NUP153: variants seen among roughly 807,000 people sequenced by gnomAD.
NUP153 encodes nucleoporin 153.
Under a neutral mutation model 134.6 loss-of-function variants are expected in NUP153, and 27 were observed. That is an observed-to-expected ratio of 0.20 (90% CI 0.15 to 0.28). The LOEUF (loss-of-function observed/expected upper bound fraction) is 0.28. NUP153 is among the 10% of genes least tolerant of loss of function. The pLI is 1.00. For missense variants in NUP153, 1,821 were observed against 1,731.3 expected, an observed-to-expected ratio of 1.05 and a Z score of -0.92; for synonymous variants, 640 against 623.5, an observed-to-expected ratio of 1.03 and a Z score of -0.40.
chr6:17,618,773 A>C lies in NUP153; in HGVS notation c.4175-2078T>G, dbSNP rs183774289. Among the ~76,000 whole-genome samples, 752 of 152,218 alleles carry C rather than the reference A, an allele frequency of 4.9e-3. 6 individuals carry two copies. Among genetic ancestry groups the C allele is most frequent in the African/African-American group, 8.4e-3 (347 of 41,544 alleles). ...AGTAGAGATGGGGTTTCACCGTGTT[A>C]GCCAGGATGGTCTCGATATCCTGAC... On this transcript the variant is annotated intron_variant, in intron 20 of 21. Coordinates refer to ENST00000262077, the MANE Select transcript of NUP153 (RefSeq NM_005124.4).
At chr6:17,678,484 A>G (rs1361710382) in intron 2 of NUP153, among the ~76,000 whole-genome samples, 1 of 152,200 alleles carries the variant, frequency 6.6e-6, no homozygotes, top group East Asian at 1.9e-4. Context: ...TCTATTTACT[A>G]AAAAGCAAAA....
chr6:17,703,601 C>T (rs1191679556), intron 1 of NUP153, among the ~76,000 whole-genome samples: 1 of 151,442 alleles, frequency 6.6e-6, no homozygotes, highest in African/African-American at 2.4e-5. Flanking sequence ...GTGGGTAGAC[C>T]CTATGTCCAC....
At chr6:17,685,747 C>T (rs1280598736) in intron 2 of NUP153, among the ~76,000 whole-genome samples, 1 of 151,956 alleles carries the variant, frequency 6.6e-6, no homozygotes, top group Non-Finnish European at 1.5e-5. Flanking sequence ...CATTTATGTA[C>T]TCTATAGAAT....
intron 11 of NUP153, among the ~76,000 whole-genome samples, chr6:17,659,530 T>C (rs1437493496): frequency 6.6e-6 from 1 of 152,210 alleles, no homozygotes; most frequent in African/African-American, 2.4e-5. Context: ...TGGAGTACAC[T>C]GGTGCAATCT....
rs559845910 is a variant in NUP153 at position 17,628,296 on chromosome 6, T to C, written c.3544+359A>G. 2.0e-5 allele frequency among the ~76,000 whole-genome samples: 3 copies of C among 152,288 alleles called. No individual in the cohort carries two copies. The East Asian group carries it at 5.8e-4, about 29-fold the overall frequency. ...TTGTAAATAAAGGCCTTCCCATAGA[T>C]TATGGTAGAAAATACTTCATAAGCT... On this transcript the variant is annotated intron_variant, in intron 18 of 21. Coordinates refer to ENST00000262077, the MANE Select transcript of NUP153 (RefSeq NM_005124.4). The surrounding 1 kb of genome is among the most constrained non-coding windows in gnomAD (Gnocchi z 5.4).
intron 8 of NUP153, among the ~76,000 whole-genome samples, chr6:17,668,730 T>A (rs1309148519): frequency 6.6e-6 from 1 of 151,726 alleles, no homozygotes; most frequent in Non-Finnish European, 1.5e-5. Context: ...GTAATCTCAG[T>A]TACTAGGGAG....
At position 17,639,869 on chromosome 6, in the gene NUP153, A is replaced by G. The variant is rs565261301; in HGVS notation, c.1846+70T>C. ...TCAGAAATTTTTAAAAGCCTAAAGT[A>G]TAATACAAAATGACATTAAATTGAG... is the stretch of plus-strand genomic sequence containing the variant. On this transcript the variant is annotated intron_variant, in intron 15 of 21. Coordinates refer to ENST00000262077, the MANE Select transcript of NUP153 (RefSeq NM_005124.4). 7.7e-6 allele frequency: 11 copies of G among 1,432,756 alleles called. No individual in the cohort carries two copies. In the African/African-American group the frequency reaches 1.4e-4, roughly 19 times the overall value. The allele number at this position is 1,432,756 out of a possible 1,614,324, so 88.8% of individuals were successfully genotyped here. A position where few individuals can be genotyped will look rare whatever the true frequency, so the allele number is the denominator to read the frequency against.
intron 17 of NUP153, among the ~76,000 whole-genome samples, chr6:17,630,443 C>A (rs540133587): frequency 1.3e-5 from 2 of 152,006 alleles, no homozygotes; most frequent in African/African-American, 4.8e-5. Context: ...GCAGATCACC[C>A]GAGGTCAGGA....
chr6:17,664,526 T>C (rs1767397556), intron 9 of NUP153, among the ~76,000 whole-genome samples: 1 of 152,134 alleles, frequency 6.6e-6, no homozygotes, highest in African/African-American at 2.4e-5. Context: ...GACTGGATAT[T>C]AGATAATTTT....
At chr6:17,643,244 G>A (rs111475035) in intron 14 of NUP153, among the ~76,000 whole-genome samples, 1,738 of 152,254 alleles carry the variant, frequency 0.011, 46 homozygotes, top group African/African-American at 0.04. Flanking sequence ...ACGCCTAGGC[G>A]GCCAGATCAC....
chr6:17,632,739 C>G lies in NUP153; in HGVS notation c.2570G>C (p.Cys857Ser), dbSNP rs779434708. Residue 857 changes from cysteine (C) to serine (S), a missense_variant, in exon 17 of 22, where the codon TGT becomes TCT. Transcript: ENST00000262077. ...KFKKPEGSWD[C>S]ELCLVQNKAD... is the part of the protein sequence containing the mutation. ...CTTATTCTGCACTAGGCACAATTCACAGTCCCAGCTTCCCTCGGGTTTCTT... is the reference window on the plus strand; with the variant it reads ...CTTATTCTGCACTAGGCACAATTCAGAGTCCCAGCTTCCCTCGGGTTTCTT... The G allele has an allele frequency of 2.5e-6, 4 of 1,613,576 alleles. No individual in the cohort carries two copies. The Admixed American group carries it at 5.0e-5, about 20-fold the overall frequency.
intron 11 of NUP153, among the ~76,000 whole-genome samples, chr6:17,657,683 TCATA>T (rs1189991030): frequency 1.6e-4 from 25 of 152,306 alleles, no homozygotes; most frequent in African/African-American, 5.8e-4. Flanking sequence ...TGTATTTTCC[TCATA>T]CAGAGATAAA....
Position 17,675,662 on chromosome 6 carries a change from C to T in NUP153, c.443G>A (p.Cys148Tyr), listed in dbSNP as rs1220475620. ...FSMLESPALHCQPSTSSAFPI... is the reference protein window; with the variant it reads ...FSMLESPALHYQPSTSSAFPI... ...GAATGCCGAGGATGTAGATGGCTGA[C>T]AGTGTAATGCAGGGGATTCCAACAT... The change falls in exon 3 of 22, where the codon TGT becomes TAT. Residue 148 changes from cysteine (C) to tyrosine (Y), a missense_variant. Transcript: ENST00000262077. This position sits in a 1 kb window ranked among gnomAD's most constrained non-coding sequence, Gnocchi z 4.4. 1.2e-6 allele frequency: 2 copies of T among 1,614,138 alleles called. No homozygotes were observed. The highest frequency in any genetic ancestry group is 2.2e-5 in the East Asian group (1 of 44,876).
chr6:17,673,436 A>G (rs1162541938), intron 5 of NUP153, among the ~76,000 whole-genome samples: 1 of 152,228 alleles, frequency 6.6e-6, no homozygotes, highest in African/African-American at 2.4e-5. Context: ...CGCAAAACAT[A>G]TAACAAAGTA....
chr6:17,626,280 AT>A (rs1764945062), intron 18 of NUP153, 116 bp from the exon 19 acceptor site: 2 of 693,468 alleles, frequency 2.9e-6, no homozygotes, highest in Non-Finnish European at 4.9e-6. Flanking sequence ...TAGAAAATAG[AT>A]TTTTTATATA....
At chr6:17,673,191 A>G (rs959340542) in intron 5 of NUP153, among the ~76,000 whole-genome samples, 6 of 152,136 alleles carry the variant, frequency 3.9e-5, no homozygotes, top group African/African-American at 1.4e-4. Context: ...AGATGGTGAG[A>G]AACTCCGTCT....
In NUP153 at chr6:17,661,758, G is replaced by A. The variant is rs1321544733; in HGVS notation, c.1290C>T (p.Phe430=). The part of the protein sequence containing the change: ...QRESGFSYPN[F]SLPAANGLSS... ...ATAAACCATTGGCTGCAGGCAAACT[G>A]AAATTTGGATATGAAAAGCCACTGG... The change falls in exon 11 of 22, where the codon TTC becomes TTT. Residue 430 remains phenylalanine, a synonymous_variant. Coordinates refer to ENST00000262077, the MANE Select transcript of NUP153 (RefSeq NM_005124.4). 6.2e-7 allele frequency: 1 copy of A among 1,612,640 alleles called. No homozygotes were observed. The highest frequency in any genetic ancestry group is 8.5e-7 in the Non-Finnish European group (1 of 1,179,646).
rs373407975 is a variant in NUP153, at chr6:17,644,270, A to G, written c.1720+1797T>C. On this transcript the variant is annotated intron_variant, in intron 14 of 21. Transcript: ENST00000262077. ...TGAAGAAACGCTTTTCGATAAGGTA[A>G]TATCTCCCAACTCATGTTTCTGCCT... 1.8e-4 allele frequency among the ~76,000 whole-genome samples: 28 copies of G among 152,276 alleles called. No individual in the cohort carries two copies. In the South Asian group the frequency reaches 3.3e-3, roughly 18 times the overall value.
intron 16 of NUP153, among the ~76,000 whole-genome samples, chr6:17,636,681 C>A (rs566986746): frequency 6.6e-6 from 1 of 152,224 alleles, no homozygotes; most frequent in African/African-American, 2.4e-5. Flanking sequence ...TTTCTGGCTG[C>A]CTAGATTAGA....
Sources: gnomAD v4.1 joint callset for allele counts (sites outside exome capture counted in the v4.1 genomes callset) on GRCh38, gnomAD v4.1.1 for gene constraint, Gnocchi (gnomAD v3.1) non-coding constraint, MANE v1.5 for transcripts, NCBI Gene and HGNC (gene_info 2026-07-23, HGNC 2026-07-21) for gene names.